SDK1: variants seen among roughly 807,000 people sequenced by gnomAD.
SDK1 encodes sidekick cell adhesion molecule 1.
SDK1 carries 157 observed loss-of-function variants against 245.5 expected under a neutral mutation model. The ratio of observed to expected loss-of-function variants is 0.64; its 90% CI spans 0.56 to 0.73. The LOEUF (loss-of-function observed/expected upper bound fraction) is 0.73. Ranked by LOEUF, SDK1 falls within the 30% of genes least tolerant of loss-of-function variation. The probability of loss-of-function intolerance (pLI) is 0.00; values close to 1 mark genes in which losing one functional copy is unlikely to be tolerated. For missense variants in SDK1, 3,583 were observed against 3,002.3 expected (o/e 1.19, Z -4.52); for synonymous variants, 1,647 against 1,278.5 (o/e 1.29, Z -6.15).
intron 13 of SDK1, among the ~76,000 whole-genome samples, chr7:3,977,349 A>G (rs199810414): frequency 0.01 from 523 of 51,746 alleles, no homozygotes; most frequent in East Asian, 0.016. Context: ...AGAATCACTG[A>G]GGGTCCCGGG....
intron 19 of SDK1, among the ~76,000 whole-genome samples, chr7:4,052,678 A>G (rs1300575190): frequency 6.6e-6 from 1 of 152,206 alleles, no homozygotes; most frequent in African/African-American, 2.4e-5. Context: ...ACACAAATTT[A>G]AGACTTGTTA....
chr7:3,646,438 C>T (rs573764376), intron 4 of SDK1, among the ~76,000 whole-genome samples: 20 of 152,228 alleles, frequency 1.3e-4, no homozygotes, highest in Admixed American at 3.3e-4. Flanking sequence ...CTACTTTAAA[C>T]ATATCTTCTC....
intron 26 of SDK1, among the ~76,000 whole-genome samples, chr7:4,128,003 G>C (rs1482686894): frequency 6.6e-6 from 1 of 152,140 alleles, no homozygotes; most frequent in African/African-American, 2.4e-5. Context: ...CCGCTGGCAG[G>C]GTTGAATCTG....
chr7:3,466,155 C>T (rs186470711), intron 1 of SDK1, among the ~76,000 whole-genome samples: 76 of 151,760 alleles, frequency 5.0e-4, no homozygotes, highest in African/African-American at 1.8e-3. Flanking sequence ...TGACCGAGCA[C>T]CTGAAAACCC....
Position 3,817,671 on chromosome 7 carries a change from G to A in SDK1, c.714-3779G>A, listed in dbSNP as rs537642237. Among the ~76,000 whole-genome samples the A allele has an allele frequency of 1.7e-4, 26 of 152,324 alleles. No homozygotes were observed. In the South Asian group the frequency reaches 4.8e-3, roughly 28 times the overall value. ...CATAGCAGGGAGCTTCCCAGTCGAT[G>A]CCTAGCAAGGTGGCCCTCCCTCCCC... On this transcript the variant is annotated intron_variant, in intron 4 of 44. Transcript: ENST00000404826.
At chr7:3,549,910 C>G (rs1259172051) in intron 1 of SDK1, among the ~76,000 whole-genome samples, 1 of 152,068 alleles carries the variant, frequency 6.6e-6, no homozygotes, top group Non-Finnish European at 1.5e-5. Context: ...AAAAAAAACC[C>G]ATTTTGGTGC....
chr7:4,016,897 G>C (rs1385334231), intron 16 of SDK1, among the ~76,000 whole-genome samples: 1 of 152,194 alleles, frequency 6.6e-6, no homozygotes, highest in African/African-American at 2.4e-5. Flanking sequence ...GTAGTCCCTA[G>C]ACGAGTTACA....
At chr7:3,499,707 G>A (rs73050200) in intron 1 of SDK1, among the ~76,000 whole-genome samples, 1 of 152,104 alleles carries the variant, frequency 6.6e-6, no homozygotes, top group African/African-American at 2.4e-5. Context: ...GAAGAGAAAC[G>A]GAGCTGAGTC....
rs534290230 is a variant in SDK1 at position 3,896,789 on chromosome 7, A to G, written c.848-54134A>G. Among the ~76,000 whole-genome samples the G allele has an allele frequency of 1.3e-4, 20 of 152,350 alleles. No homozygotes were observed. The South Asian group carries it at 3.7e-3, about 28-fold the overall frequency. On this transcript the variant is annotated intron_variant, in intron 5 of 44. Coordinates refer to ENST00000404826, the MANE Select transcript of SDK1 (RefSeq NM_152744.4). ...TGTTACTGTATCATGGCTGAAAGCA[A>G]AAGTCCTCTTCACCTACTTAAAAAA...
At chr7:3,905,791 T>TA (rs557674454) in intron 5 of SDK1, among the ~76,000 whole-genome samples, 211 of 147,868 alleles carry the variant, frequency 1.4e-3, no homozygotes, top group Middle Eastern at 7.1e-3. Flanking sequence ...CCTGGCTAAT[T>TA]AAAAAAAAAA....
At chr7:3,566,135 T>C (rs893155260) in intron 1 of SDK1, among the ~76,000 whole-genome samples, 1 of 151,998 alleles carries the variant, frequency 6.6e-6, no homozygotes, top group Non-Finnish European at 1.5e-5. Context: ...TTGGAGGTAG[T>C]CGTAAAAAGG....
At chr7:4,033,275 T>C (rs1263527340) in intron 17 of SDK1, among the ~76,000 whole-genome samples, 1 of 152,188 alleles carries the variant, frequency 6.6e-6, no homozygotes, top group Non-Finnish European at 1.5e-5. Flanking sequence ...TACAAAACTG[T>C]ATCCATTCCC....
At position 3,567,814 on chromosome 7, in the gene SDK1, C is replaced by T. The variant is rs191228596; in HGVS notation, c.299-51266C>T. Among the ~76,000 whole-genome samples the T allele has an allele frequency of 6.7e-3, 1,021 of 152,028 alleles. 9 individuals are homozygous for T. The highest frequency in any genetic ancestry group is 0.018 in the South Asian group (87 of 4,816). On this transcript the variant is annotated intron_variant, in intron 1 of 44. Transcript: ENST00000404826. ...TTTTCTATTTTATTTATCTTTTATT[C>T]ATTTATTTTTCTTCTAAGGCAGGGT...
At chr7:3,652,654 G>A (rs557276557) in intron 4 of SDK1, among the ~76,000 whole-genome samples, 1 of 152,312 alleles carries the variant, frequency 6.6e-6, no homozygotes, top group South Asian at 2.1e-4. Flanking sequence ...AAGCGAACTA[G>A]GGAAACATGC....
In SDK1 at chr7:4,265,150, G is replaced by A. The variant is rs1489691400; in HGVS notation, c.6408G>A (p.Ala2136=). ...CCACGGACTCTGACTACGAGGACGC[G>A]CTGCCCAAGCACTCCTTCGTGAACC... ...SEATDSDYED[A]LPKHSFVNHY... The change falls in exon 45 of 45, where the codon GCG becomes GCA. Residue 2136 remains alanine (A), a synonymous_variant. Coordinates refer to ENST00000404826, the MANE Select transcript of SDK1 (RefSeq NM_152744.4). The A allele has an allele frequency of 2.5e-6, 4 of 1,612,234 alleles. No individual in the cohort carries two copies. The highest frequency in any genetic ancestry group is 3.4e-6 in the Non-Finnish European group (4 of 1,179,614).
intron 4 of SDK1, among the ~76,000 whole-genome samples, chr7:3,694,384 A>T (rs903515690): frequency 1.3e-5 from 2 of 152,152 alleles, no homozygotes; most frequent in African/African-American, 2.4e-5. Flanking sequence ...CCTCTCATAG[A>T]CACTCACAGT....
intron 1 of SDK1, among the ~76,000 whole-genome samples, chr7:3,505,433 C>T (rs948717634): frequency 6.6e-6 from 1 of 152,054 alleles, no homozygotes; most frequent in Admixed American, 6.6e-5. Flanking sequence ...AATCTTTTTG[C>T]AGGGATGGGG....
At chr7:3,640,523 T>A (rs1419643925) in intron 3 of SDK1, among the ~76,000 whole-genome samples, 1 of 152,228 alleles carries the variant, frequency 6.6e-6, no homozygotes, top group Non-Finnish European at 1.5e-5. Flanking sequence ...TTGAGAACTT[T>A]TATTCAATTG....
chr7:3,358,655 G>C (rs1005154247), intron 1 of SDK1, among the ~76,000 whole-genome samples: 2 of 152,128 alleles, frequency 1.3e-5, no homozygotes, highest in African/African-American at 2.4e-5. Flanking sequence ...TTTTCTGTAG[G>C]ATTGAAGGTT....
Sources: allele counts gnomAD v4.1 joint callset (sites outside exome capture counted in the v4.1 genomes callset), GRCh38; gene constraint gnomAD v4.1.1; transcripts MANE v1.5; gene names NCBI Gene and HGNC (gene_info 2026-07-23, HGNC 2026-07-21).